The following AHCYL2 variants were observed in gnomAD, a reference collection of about 807,000 sequenced individuals.
AHCYL2 encodes the protein S-adenosylhomocysteine hydrolase-like protein 2.
Under a neutral mutation model 81.4 loss-of-function variants are expected in AHCYL2, and 28 were observed. That is an observed-to-expected ratio of 0.34 (90% CI 0.25 to 0.47). The LOEUF (loss-of-function observed/expected upper bound fraction) is 0.47, where lower values mean the gene tolerates loss of function less well. Ranked by LOEUF, AHCYL2 falls within the 20% of genes least tolerant of loss-of-function variation. The pLI is 1.00. For synonymous variants in AHCYL2, 272 were observed against 290.2 expected (o/e 0.94, Z 0.64); for missense variants, 551 against 785.1 (o/e 0.70, Z 3.56).
At chr7:129,321,640 A>G (rs1798015695) in intron 1 of AHCYL2, among the ~76,000 whole-genome samples, 1 of 149,636 alleles carries the variant, frequency 6.7e-6, no homozygotes, top group African/African-American at 2.5e-5. Context: ...ATGTCTTTCT[A>G]TGGTTTTGGT....
At position 129,300,652 on chromosome 7, in the gene AHCYL2, A is replaced by G. The variant is rs971469525; in HGVS notation, c.363+75213A>G. On this transcript the variant is annotated intron_variant, in intron 1 of 16. Transcript: ENST00000325006. ...AATATACTGACTTCCTTTCTTTTGA[A>G]TATATGTCCAACAGTGGGATTGCTG... Among the ~76,000 whole-genome samples, 3 of 152,338 alleles carry G rather than the reference A, an allele frequency of 2.0e-5. No individual in the cohort carries two copies. The East Asian group carries it at 5.8e-4, about 29-fold the overall frequency.
At chr7:129,276,066 CA>C (rs1796189188) in intron 1 of AHCYL2, among the ~76,000 whole-genome samples, 1 of 151,762 alleles carries the variant, frequency 6.6e-6, no homozygotes, top group Non-Finnish European at 1.5e-5. Flanking sequence ...TGAAATTGAG[CA>C]AAAAGATAAC....
At chr7:129,369,550 G>GTTT (rs35051098) in intron 1 of AHCYL2, among the ~76,000 whole-genome samples, 6 of 132,542 alleles carry the variant, frequency 4.5e-5, no homozygotes, top group South Asian at 2.4e-4. Context: ...TTGTGTTCAG[G>GTTT]TTTTTTTTTT....
intron 1 of AHCYL2, among the ~76,000 whole-genome samples, chr7:129,296,561 A>G (rs756124895): frequency 1.3e-5 from 2 of 152,030 alleles, no homozygotes; most frequent in Non-Finnish European, 2.9e-5. Context: ...AAAATTAAAA[A>G]ATTAGTTGGG....
At chr7:129,233,576 C>T (rs1038334980) in intron 1 of AHCYL2, among the ~76,000 whole-genome samples, 2 of 152,196 alleles carry the variant, frequency 1.3e-5, no homozygotes, top group Non-Finnish European at 2.9e-5. Flanking sequence ...CAACCTCCGC[C>T]TCCCGGGTTC....
In AHCYL2 at chr7:129,429,370, A is replaced by G. The variant is rs1797489582; in HGVS notation, c.*2325A>G. The G allele has an allele frequency of 6.6e-6, 1 of 152,172 alleles. No homozygotes were observed. Among genetic ancestry groups the G allele is most frequent in the Admixed American group, 6.5e-5 (1 of 15,284 alleles). The allele number at this position is 152,172 out of a possible 1,614,324, so 9.4% of individuals were successfully genotyped here. On this transcript the variant is annotated 3_prime_UTR_variant, in exon 17 of 17. Coordinates refer to ENST00000325006, the MANE Select transcript of AHCYL2 (RefSeq NM_015328.4). ...TCCCTCTACCCTTGGAATCAGAGCA[A>G]TGTGTCTTCTTTCCTCCAACCTCTT...
intron 1 of AHCYL2, among the ~76,000 whole-genome samples, chr7:129,233,567 A>G (rs889029978): frequency 1.3e-5 from 2 of 152,110 alleles, no homozygotes. Context: ...CGCTCACTGC[A>G]ACCTCCGCCT....
intron 1 of AHCYL2, among the ~76,000 whole-genome samples, chr7:129,296,759 CA>C (rs1029363345): frequency 5.1e-4 from 78 of 152,096 alleles, no homozygotes; most frequent in African/African-American, 1.9e-3. Flanking sequence ...ATGGTCCATG[CA>C]GTTGATAGAG....
intron 1 of AHCYL2, among the ~76,000 whole-genome samples, chr7:129,249,487 G>A (rs1253900567): frequency 4.0e-5 from 6 of 151,840 alleles, no homozygotes; most frequent in South Asian, 4.2e-4. Flanking sequence ...CTGCAGTGGC[G>A]CAATCTCGGC....
chr7:129,253,347 C>A lies in AHCYL2; in HGVS notation c.363+27908C>A, dbSNP rs990431053. 1.2e-4 allele frequency among the ~76,000 whole-genome samples: 18 copies of A among 152,110 alleles called. 1 individual carries two copies. The highest frequency in any genetic ancestry group is 8.3e-4 in the South Asian group (4 of 4,830). The stretch of plus-strand genomic sequence containing the variant: ...CAAGACGTAGCATGTAGCAGAGTAT[C>A]GAAGAATACTCTTTTTAGAGCACTT... On this transcript the variant is annotated intron_variant, in intron 1 of 16. Coordinates refer to ENST00000325006, the MANE Select transcript of AHCYL2 (RefSeq NM_015328.4).
Position 129,278,339 on chromosome 7 carries a change from G to A in AHCYL2, c.363+52900G>A, listed in dbSNP as rs189671859. Among the ~76,000 whole-genome samples, 43 of 152,132 alleles carry A rather than the reference G, an allele frequency of 2.8e-4. 1 individual carries two copies. The highest frequency in any genetic ancestry group is 7.9e-4 in the Admixed American group (12 of 15,270). On this transcript the variant is annotated intron_variant, in intron 1 of 16. Coordinates refer to ENST00000325006, the MANE Select transcript of AHCYL2 (RefSeq NM_015328.4). ...GATCCTCCTCCATCAGTCTCCCAGT[G>A]TGTTGGGATTACAGGCGTGAGTCAC...
At chr7:129,230,981 T>C (rs1246975359) in intron 1 of AHCYL2, among the ~76,000 whole-genome samples, 1 of 152,098 alleles carries the variant, frequency 6.6e-6, no homozygotes, top group Non-Finnish European at 1.5e-5. Flanking sequence ...GAGCATTTAT[T>C]TTCTGAGAAA....
At chr7:129,324,607 C>G (rs1017034999) in intron 1 of AHCYL2, among the ~76,000 whole-genome samples, 1 of 152,170 alleles carries the variant, frequency 6.6e-6, no homozygotes, top group Non-Finnish European at 1.5e-5. Flanking sequence ...GCTCTGCCTC[C>G]CGGGTTCACG....
intron 1 of AHCYL2, among the ~76,000 whole-genome samples, chr7:129,331,303 T>C (rs1798412791): frequency 6.6e-6 from 1 of 152,166 alleles, no homozygotes; most frequent in African/African-American, 2.4e-5. Flanking sequence ...GAGTTCTACT[T>C]ATAGGAATTT....
chr7:129,391,136 T>G (rs1795451149), intron 4 of AHCYL2, among the ~76,000 whole-genome samples: 1 of 152,184 alleles, frequency 6.6e-6, no homozygotes, highest in Non-Finnish European at 1.5e-5. Context: ...GAAATAGTAT[T>G]ATTTGAAGAC....
At chr7:129,249,581 G>A (rs911280745) in intron 1 of AHCYL2, among the ~76,000 whole-genome samples, 1 of 151,618 alleles carries the variant, frequency 6.6e-6, no homozygotes, top group Admixed American at 6.6e-5. Flanking sequence ...GCCCGCCACC[G>A]CGCCCGGCTA....
chr7:129,338,303 C>T (rs1007450184), intron 1 of AHCYL2, among the ~76,000 whole-genome samples: 7 of 152,148 alleles, frequency 4.6e-5, no homozygotes, highest in African/African-American at 1.7e-4. Context: ...TGTGTACCAC[C>T]ACGCCTGGCT....
chr7:129,265,114 G>C (rs577343334), intron 1 of AHCYL2, among the ~76,000 whole-genome samples: 10 of 152,266 alleles, frequency 6.6e-5, no homozygotes, highest in African/African-American at 2.4e-4. Context: ...TACAAGATTG[G>C]TGTGATGGCT....
chr7:129,262,684 G>A (rs1449235345), intron 1 of AHCYL2, among the ~76,000 whole-genome samples: 1 of 152,178 alleles, frequency 6.6e-6, no homozygotes, highest in Non-Finnish European at 1.5e-5. Context: ...TGGGCAGCAA[G>A]GGATGGGTAT....
Sources: gnomAD v4.1 joint callset for allele counts (sites outside exome capture counted in the v4.1 genomes callset) on GRCh38, gnomAD v4.1.1 for gene constraint, MANE v1.5 for transcripts, NCBI Gene and HGNC (gene_info 2026-07-23, HGNC 2026-07-21) for gene names.